The following SLC18A1 variants were observed in gnomAD, a reference collection of about 807,000 sequenced individuals.
The protein encoded by SLC18A1 is solute carrier family 18 member A1.
Under a neutral mutation model 53.7 loss-of-function variants are expected in SLC18A1, and 69 were observed. The ratio of observed to expected loss-of-function variants is 1.28; its 90% CI spans 1.06 to 1.57. The LOEUF (loss-of-function observed/expected upper bound fraction) is 1.57. Ranked by LOEUF, SLC18A1 falls within the 40% of genes most tolerant of loss-of-function variation. The probability of loss-of-function intolerance (pLI) is 0.00; values close to 1 mark genes in which losing one functional copy is unlikely to be tolerated. For synonymous variants in SLC18A1, 320 were observed against 248.1 expected, an observed-to-expected ratio of 1.29 and a Z score of -2.72; for missense variants, 932 against 668.1, an observed-to-expected ratio of 1.40 and a Z score of -4.35.
intron 10 of SLC18A1, among the ~76,000 whole-genome samples, chr8:20,157,031 G>C (rs2071699674): frequency 6.6e-6 from 1 of 152,154 alleles, no homozygotes. Flanking sequence ...CGGGAAAACA[G>C]GTGCAGGACT....
intron 10 of SLC18A1, among the ~76,000 whole-genome samples, chr8:20,157,347 C>T (rs2071708397): frequency 6.6e-6 from 1 of 152,154 alleles, no homozygotes; most frequent in Non-Finnish European, 1.5e-5. Context: ...GTATCTCAGT[C>T]AGGTCAATGA....
In SLC18A1 at chr8:20,180,857, C is replaced by T; in HGVS notation, c.108G>A (p.Met36Ile). The change falls in exon 2 of 16, where the codon ATG becomes ATA. Residue 36 changes from methionine to isoleucine, a missense_variant. Met to Ile is a conservative substitution (Grantham distance 10). Coordinates refer to ENST00000276373, the MANE Select transcript of SLC18A1 (RefSeq NM_003053.4). ...CAAACGTACCCACCACAGTAAACAG[C>T]ATGTTGTCCAGGAGCAAAGCGACGA... The part of the protein sequence containing the change: ...VVFVALLLDN[M>I]LFTVVVPIVP... The T allele has an allele frequency of 6.2e-7, 1 of 1,614,028 alleles. No individual in the cohort carries two copies. Among genetic ancestry groups the T allele is most frequent in the Non-Finnish European group, 8.5e-7 (1 of 1,179,952 alleles).
chr8:20,166,911 T>C (rs910059133), intron 8 of SLC18A1, among the ~76,000 whole-genome samples: 17 of 152,038 alleles, frequency 1.1e-4, no homozygotes, highest in African/African-American at 4.1e-4. Context: ...GTAAAGGCCA[T>C]GTGAGGACGC....
At chr8:20,173,379 T>C (rs565049109) in intron 5 of SLC18A1, among the ~76,000 whole-genome samples, 40 of 152,140 alleles carry the variant, frequency 2.6e-4, no homozygotes, top group African/African-American at 8.9e-4. Flanking sequence ...ACACAGAAAA[T>C]CCATTGTCTG....
At chr8:20,176,410 C>G (rs1043767762) in intron 4 of SLC18A1, among the ~76,000 whole-genome samples, 3 of 152,186 alleles carry the variant, frequency 2.0e-5, no homozygotes, top group African/African-American at 7.2e-5. Flanking sequence ...CAACAAACCT[C>G]TTTCTAATAT....
At chr8:20,170,176 C>T (rs2072074856) in intron 8 of SLC18A1, among the ~76,000 whole-genome samples, 1 of 152,156 alleles carries the variant, frequency 6.6e-6, no homozygotes, top group South Asian at 2.1e-4. Flanking sequence ...CTGTAAAGAG[C>T]AGAGCATCTC....
intron 10 of SLC18A1, among the ~76,000 whole-genome samples, chr8:20,155,175 C>T (rs928809698): frequency 5.3e-5 from 8 of 152,188 alleles, no homozygotes; most frequent in Admixed American, 2.0e-4. Context: ...AGGAGCAGCC[C>T]GCCCCATCTT....
At position 20,145,055 on chromosome 8, in the gene SLC18A1, G is replaced by T. The variant is rs562481505; in HGVS notation, c.*708C>A. On this transcript the variant is annotated 3_prime_UTR_variant, in exon 16 of 16. Transcript: ENST00000276373. ...AGTCTAAGAGGTTCAGAAAAGGTAG[G>T]AACACACAGGGGAGGTCAGGAGAAT... 1.3e-5 allele frequency: 2 copies of T among 152,062 alleles called. No individual in the cohort carries two copies. Among genetic ancestry groups the T allele is most frequent in the Non-Finnish European group, 2.9e-5 (2 of 68,006 alleles). The allele number at this position is 152,062 out of a possible 1,614,324, so 9.4% of individuals were successfully genotyped here. A position where few individuals can be genotyped will look rare whatever the true frequency, so the allele number is the denominator to read the frequency against.
chr8:20,182,281 T>G (rs529991131), intron 1 of SLC18A1, among the ~76,000 whole-genome samples: 1 of 152,338 alleles, frequency 6.6e-6, no homozygotes, highest in African/African-American at 2.4e-5. Flanking sequence ...ATTGCAGAAT[T>G]ATTTTTCTTA....
chr8:20,165,655 G>A (rs569098151), intron 8 of SLC18A1, among the ~76,000 whole-genome samples: 4 of 152,212 alleles, frequency 2.6e-5, no homozygotes, highest in Non-Finnish European at 2.9e-5. Context: ...ACCCACTCTC[G>A]TCAGGACACA....
chr8:20,145,537 C>G lies in SLC18A1; in HGVS notation c.*226G>C, dbSNP rs1026084084. The G allele has an allele frequency of 5.2e-6, 2 of 382,334 alleles. No homozygotes were observed. The highest frequency in any genetic ancestry group is 9.4e-6 in the Non-Finnish European group (2 of 213,510). 23.7% of individuals were successfully genotyped at this position (382,334 alleles called of 1,614,324 possible). A position where few individuals can be genotyped will look rare whatever the true frequency, so the allele number is the denominator to read the frequency against. On this transcript the variant is annotated 3_prime_UTR_variant, in exon 16 of 16. Transcript: ENST00000276373. ...GCAGCGGGAAGGTGCATCACTCTGT[C>G]TTCCCATAAAAGATGGGCCACTGCG... is the stretch of plus-strand genomic sequence containing the variant.
Position 20,145,349 on chromosome 8 carries a change from C to G in SLC18A1, c.*414G>C, listed in dbSNP as rs78545909. On this transcript the variant is annotated 3_prime_UTR_variant, in exon 16 of 16. Coordinates refer to ENST00000276373, the MANE Select transcript of SLC18A1 (RefSeq NM_003053.4). ...ACACGTTGAGGAAAAGAGGGTAACA[C>G]TCTTCCGATCTGTTGGGACTATGCC... 826 of 154,850 alleles carry G rather than the reference C, an allele frequency of 5.3e-3. 13 individuals carry two copies. The highest frequency in any genetic ancestry group is 0.019 in the African/African-American group (786 of 41,678). 9.6% of individuals were successfully genotyped at this position (154,850 alleles called of 1,614,324 possible). A position where few individuals can be genotyped will look rare whatever the true frequency, so the allele number is the denominator to read the frequency against.
At chr8:20,180,352 A>T (rs921430004) in intron 2 of SLC18A1, among the ~76,000 whole-genome samples, 5 of 152,212 alleles carry the variant, frequency 3.3e-5, no homozygotes, top group Non-Finnish European at 5.9e-5. Context: ...AACTTAATGT[A>T]ATGATTAGGA....
In SLC18A1 at chr8:20,179,215, A is replaced by G. The variant is rs777855607; in HGVS notation, c.394T>C (p.Leu132=). Residue 132 remains leucine, a synonymous_variant, in exon 3 of 16, where the codon TTG becomes CTG. Transcript: ENST00000276373. ...CCGACCCGGGTAATCTCTTCCTCCA[A>G]GAAACCTGTGCCTTGCAAGCAGTTG... ...KNNCLQGTGF[L]EEEITRVGVL... 5.0e-6 allele frequency: 8 copies of G among 1,614,076 alleles called. No individual in the cohort carries two copies. The Admixed American group carries it at 1.0e-4, about 20-fold the overall frequency.
chr8:20,152,611 G>T (rs1364215437), intron 10 of SLC18A1, among the ~76,000 whole-genome samples: 1 of 152,160 alleles, frequency 6.6e-6, no homozygotes, highest in Non-Finnish European at 1.5e-5. Context: ...AAGAGCATGG[G>T]GGGAACGTGA....
intron 4 of SLC18A1, among the ~76,000 whole-genome samples, chr8:20,175,049 A>G (rs2072222188): frequency 6.6e-6 from 1 of 152,234 alleles, no homozygotes; most frequent in Non-Finnish European, 1.5e-5. Context: ...GCAAATGCAA[A>G]ATAAAAATAA....
intron 4 of SLC18A1, chr8:20,175,470 G>C (rs2072232126): frequency 6.6e-6 from 1 of 152,216 alleles, no homozygotes; most frequent in South Asian, 2.1e-4. Context: ...TATGTTCAGA[G>C]ATTGCAGTAA....
chr8:20,182,165 C>G, intron 1 of SLC18A1, among the ~76,000 whole-genome samples: 1 of 152,008 alleles, frequency 6.6e-6, no homozygotes, highest in East Asian at 1.9e-4. Context: ...CTATCAGGCC[C>G]TAAAAATTGT....
chr8:20,149,110 TTG>T (rs1585188620), intron 12 of SLC18A1, among the ~76,000 whole-genome samples: 1 of 152,086 alleles, frequency 6.6e-6, no homozygotes, highest in East Asian at 1.9e-4. Context: ...CCTAGGAGGT[TTG>T]TGTGTTTCTC....
Sources: gnomAD v4.1 joint callset for allele counts (sites outside exome capture counted in the v4.1 genomes callset) on GRCh38, gnomAD v4.1.1 for gene constraint, MANE v1.5 for transcripts, NCBI Gene and HGNC (gene_info 2026-07-23, HGNC 2026-07-21) for gene names.